The following MCOLN2 variants were observed in gnomAD, a reference collection of about 807,000 sequenced individuals.
The protein encoded by MCOLN2 is mucolipin TRP cation channel 2.
MCOLN2 carries 57 observed loss-of-function variants against 67.5 expected under a neutral mutation model. That is an observed-to-expected ratio of 0.84 (90% CI 0.68 to 1.05). MCOLN2 has a LOEUF of 1.05. Ranked by LOEUF, MCOLN2 falls within the 50% of genes least tolerant of loss-of-function variation. The pLI is 0.00. For synonymous variants in MCOLN2, 246 were observed against 233.3 expected, an observed-to-expected ratio of 1.05 and a Z score of -0.50; for missense variants, 620 against 678.8, an observed-to-expected ratio of 0.91 and a Z score of 0.96.
Position 84,992,047 on chromosome 1 carries a change from A to G in MCOLN2, c.77+4749T>C, listed in dbSNP as rs549510643. The stretch of plus-strand genomic sequence containing the variant: ...GAAATAATCATTTTTTCCTCAAAGC[A>G]TTGAGGTTACCTTAATTTTGGACAA... On this transcript the variant is annotated intron_variant, in intron 1 of 13. Transcript: ENST00000370608. Among the ~76,000 whole-genome samples, 6 of 152,310 alleles carry G rather than the reference A, an allele frequency of 3.9e-5. No individual in the cohort carries two copies. In the South Asian group the frequency reaches 1.2e-3, roughly 32 times the overall value.
chr1:84,966,679 A>G (rs1396058634), intron 1 of MCOLN2, among the ~76,000 whole-genome samples: 1 of 152,120 alleles, frequency 6.6e-6, no homozygotes, highest in Admixed American at 6.5e-5. Flanking sequence ...GCCTACTCAG[A>G]TATTTGTCAC....
chr1:84,929,659 A>C lies in MCOLN2; in HGVS notation c.1563T>G (p.Phe521Leu), dbSNP rs1436704712. The C allele has an allele frequency of 1.2e-6, 2 of 1,613,566 alleles. No homozygotes were observed. The highest frequency in any genetic ancestry group is 1.7e-6 in the Non-Finnish European group (2 of 1,179,616). Residue 521 changes from phenylalanine to leucine, a missense_variant, in exon 13 of 14, where the codon TTT (phenylalanine) becomes TTG (leucine). Phe to Leu is a conservative substitution (Grantham distance 22). Coordinates refer to ENST00000370608, the MANE Select transcript of MCOLN2 (RefSeq NM_153259.4). The stretch of plus-strand genomic sequence containing the variant: ...GGAATTCCTGCAAATCCGTTTCAGG[A>C]AACCCATTCTGTTGGAATTTCTTTA... The part of the protein sequence containing the change: ...DTIKKFQQNG[F>L]PETDLQEFLK...
intron 7 of MCOLN2, among the ~76,000 whole-genome samples, chr1:84,944,701 G>A (rs1164216133): frequency 1.3e-5 from 2 of 152,186 alleles, no homozygotes; most frequent in Non-Finnish European, 2.9e-5. Flanking sequence ...GGACTTCGGA[G>A]TCACAAAAGG....
intron 11 of MCOLN2, among the ~76,000 whole-genome samples, chr1:84,934,201 A>G (rs1439128274): frequency 1.3e-5 from 2 of 152,154 alleles, no homozygotes; most frequent in African/African-American, 4.8e-5. Flanking sequence ...GCTGTGCTGG[A>G]CACTGGGAAT....
Position 84,965,529 on chromosome 1 carries a change from G to T in MCOLN2, c.237+20C>A. ...TCTTGTGGTAAGGGAAAAACCAAAT[G>T]AAATAATAAGATAGGTTACCTGTGT... On this transcript the variant is annotated intron_variant, in intron 2 of 13. Transcript: ENST00000370608. The T allele has an allele frequency of 6.2e-7, 1 of 1,607,204 alleles. No individual in the cohort carries two copies. Among genetic ancestry groups the T allele is most frequent in the Non-Finnish European group, 8.5e-7 (1 of 1,177,858 alleles).
chr1:84,977,780 T>G (rs1650067638), intron 1 of MCOLN2, among the ~76,000 whole-genome samples: 2 of 152,102 alleles, frequency 1.3e-5, no homozygotes, highest in Admixed American at 6.5e-5. Flanking sequence ...TAGGCCCCAA[T>G]AAAATAACAG....
At chr1:84,948,936 C>T (rs536822787) in intron 6 of MCOLN2, among the ~76,000 whole-genome samples, 65 of 152,308 alleles carry the variant, frequency 4.3e-4, no homozygotes, top group South Asian at 1.0e-3. Context: ...TTGAGACCAG[C>T]CTGGCCAACA....
At chr1:84,971,561 T>C (rs1039109061) in intron 1 of MCOLN2, among the ~76,000 whole-genome samples, 1 of 147,374 alleles carries the variant, frequency 6.8e-6, no homozygotes. Flanking sequence ...CTTATTGCTA[T>C]AACAAAAATA....
chr1:84,985,346 A>AC (rs995181414), intron 1 of MCOLN2, among the ~76,000 whole-genome samples: 1 of 151,948 alleles, frequency 6.6e-6, no homozygotes, highest in African/African-American at 2.4e-5. Context: ...TTTCCAGGAC[A>AC]CCCCCCTCCT....
Position 84,997,064 on chromosome 1 carries a change from T to G in MCOLN2, c.-192A>C. 1.7e-6 allele frequency: 1 copy of G among 601,700 alleles called. No individual in the cohort carries two copies. Among genetic ancestry groups the G allele is most frequent in the Admixed American group, 3.0e-5 (1 of 33,544 alleles). The allele number at this position is 601,700 out of a possible 1,614,324, so 37.3% of individuals were successfully genotyped here. ...CCCGGCCCGAGAGCAGGCGCCGCAG[T>G]CGTGGAGTGCGGCGGGCAGTTCTCG... On this transcript the variant is annotated 5_prime_UTR_variant, in exon 1 of 14. Coordinates refer to ENST00000370608, the MANE Select transcript of MCOLN2 (RefSeq NM_153259.4).
At chr1:84,939,758 A>G in intron 8 of MCOLN2, 56 bp from the exon 9 acceptor site, 1 of 1,590,286 alleles carries the variant, frequency 6.3e-7, no homozygotes, top group Non-Finnish European at 8.6e-7. Context: ...CTCTGGAAGA[A>G]GAAGGCAAGT....
intron 7 of MCOLN2, among the ~76,000 whole-genome samples, chr1:84,946,082 T>C (rs1199888713): frequency 6.6e-6 from 1 of 152,166 alleles, no homozygotes. Context: ...TTAAGAGATG[T>C]TTTTTGAGCA....
chr1:84,949,802 A>G (rs1286046005), intron 6 of MCOLN2, among the ~76,000 whole-genome samples: 1 of 152,130 alleles, frequency 6.6e-6, no homozygotes, highest in Admixed American at 6.5e-5. Context: ...AAAAAACAAC[A>G]AAACTGTCAG....
chr1:84,962,994 A>C (rs1649174497), intron 2 of MCOLN2, among the ~76,000 whole-genome samples: 1 of 152,228 alleles, frequency 6.6e-6, no homozygotes, highest in African/African-American at 2.4e-5. Context: ...TAATTAACTT[A>C]TCTATATTCC....
At chr1:84,988,070 T>A (rs1330115177) in intron 1 of MCOLN2, among the ~76,000 whole-genome samples, 2 of 152,154 alleles carry the variant, frequency 1.3e-5, no homozygotes, top group African/African-American at 4.8e-5. Flanking sequence ...TGAAATAATT[T>A]TTTTAAAAGA....
intron 3 of MCOLN2, among the ~76,000 whole-genome samples, chr1:84,957,559 T>G (rs1648861079): frequency 1.3e-5 from 2 of 152,322 alleles, no homozygotes; most frequent in South Asian, 4.1e-4. Context: ...CCTTGCCATG[T>G]CCATCAGTCC....
At chr1:84,936,644 G>A (rs1245660018) in intron 11 of MCOLN2, among the ~76,000 whole-genome samples, 1 of 152,086 alleles carries the variant, frequency 6.6e-6, no homozygotes, top group African/African-American at 2.4e-5. Context: ...TCTCAAATAG[G>A]AAAAACAGTA....
chr1:84,959,481 TAGTC>T (rs1327191428), intron 2 of MCOLN2, among the ~76,000 whole-genome samples: 1 of 152,122 alleles, frequency 6.6e-6, no homozygotes, highest in African/African-American at 2.4e-5. Context: ...TGGAGGAAAT[TAGTC>T]AGCACCAAAA....
intron 11 of MCOLN2, among the ~76,000 whole-genome samples, chr1:84,932,121 T>A (rs1226421631): frequency 6.6e-6 from 1 of 152,074 alleles, no homozygotes; most frequent in African/African-American, 2.4e-5. Flanking sequence ...TTTTTATATA[T>A]CTAAAACCAG....
Sources: allele counts gnomAD v4.1 joint callset (sites outside exome capture counted in the v4.1 genomes callset), GRCh38; gene constraint gnomAD v4.1.1; transcripts MANE v1.5; gene names NCBI Gene and HGNC (gene_info 2026-07-23, HGNC 2026-07-21).